SH3PXD2A: variants seen among roughly 807,000 people sequenced by gnomAD.
SH3PXD2A encodes SH3 and PX domains 2A.
A neutral mutation model predicts 115.2 loss-of-function variants in SH3PXD2A; 32 were observed. That is an observed-to-expected ratio of 0.28 (90% CI 0.21 to 0.37). The LOEUF is 0.37. SH3PXD2A is among the 10% of genes least tolerant of loss of function. The probability of loss-of-function intolerance (pLI) is 1.00; values close to 1 mark genes in which losing one functional copy is unlikely to be tolerated. For missense variants in SH3PXD2A, 1,328 were observed against 1,498.7 expected, an observed-to-expected ratio of 0.89 and a Z score of 1.88; for synonymous variants, 610 against 629.1, an observed-to-expected ratio of 0.97 and a Z score of 0.45.
At chr10:103,717,917 C>T (rs1327522199) in intron 5 of SH3PXD2A, among the ~76,000 whole-genome samples, 1 of 151,740 alleles carries the variant, frequency 6.6e-6, no homozygotes, top group Non-Finnish European at 1.5e-5. Flanking sequence ...GTAAAGTGGC[C>T]TCAGGACACT....
At position 103,758,548 on chromosome 10, in the gene SH3PXD2A, C is replaced by T. The variant is rs74157335; in HGVS notation, c.229+8546G>A. Among the ~76,000 whole-genome samples the T allele has an allele frequency of 5.6e-3, 854 of 152,366 alleles. 12 individuals are homozygous for T. The highest frequency in any genetic ancestry group is 0.02 in the African/African-American group (815 of 41,582). Reference sequence around the variant, plus strand: ...GCCTACTTTGTTCTCAGTCATATCACCAGTGACCACAGCTGGCACACAGTA... The same window carrying T: ...GCCTACTTTGTTCTCAGTCATATCATCAGTGACCACAGCTGGCACACAGTA... On this transcript the variant is annotated intron_variant, in intron 3 of 14. Coordinates refer to ENST00000369774, the MANE Select transcript of SH3PXD2A (RefSeq NM_001394015.1).
chr10:103,720,901 C>T (rs1037796622), intron 5 of SH3PXD2A, among the ~76,000 whole-genome samples: 2 of 152,190 alleles, frequency 1.3e-5, no homozygotes, highest in Non-Finnish European at 2.9e-5. Context: ...GGGCCGGGCC[C>T]GGGGAGGGGG....
chr10:103,628,916 G>C (rs988552916), intron 8 of SH3PXD2A, among the ~76,000 whole-genome samples: 1 of 152,142 alleles, frequency 6.6e-6, no homozygotes, highest in African/African-American at 2.4e-5. Flanking sequence ...GTCCGTGCCC[G>C]GGCCACTTAC....
intron 2 of SH3PXD2A, among the ~76,000 whole-genome samples, chr10:103,796,402 G>A (rs200752404): frequency 7.1e-6 from 1 of 141,474 alleles, no homozygotes; most frequent in Non-Finnish European, 1.5e-5. Context: ...AAAAAAAAGA[G>A]AGAGAGAGAG....
chr10:103,666,290 T>G lies in SH3PXD2A; in HGVS notation c.472+2318A>C, dbSNP rs954600597. Among the ~76,000 whole-genome samples the G allele has an allele frequency of 2.6e-5, 4 of 152,196 alleles. No individual in the cohort carries two copies. The highest frequency in any genetic ancestry group is 6.5e-5 in the Admixed American group (1 of 15,274). On this transcript the variant is annotated intron_variant, in intron 7 of 14. Coordinates refer to ENST00000369774, the MANE Select transcript of SH3PXD2A (RefSeq NM_001394015.1). The surrounding 1 kb of genome is among the most constrained non-coding windows in gnomAD (Gnocchi z 4.5). ...ACCCAACACCACTGCTCCATGCAGCTTCTTACTTTCCAAGTCTGTGCTCTA... is the reference window on the plus strand; with the variant it reads ...ACCCAACACCACTGCTCCATGCAGCGTCTTACTTTCCAAGTCTGTGCTCTA...
chr10:103,849,911 T>C (rs1193081401), intron 1 of SH3PXD2A, among the ~76,000 whole-genome samples: 2 of 152,188 alleles, frequency 1.3e-5, no homozygotes, highest in Non-Finnish European at 2.9e-5. Context: ...GGGACTACCA[T>C]GTGTATAACT....
At chr10:103,695,115 G>A (rs2037808905) in intron 5 of SH3PXD2A, among the ~76,000 whole-genome samples, 1 of 152,202 alleles carries the variant, frequency 6.6e-6, no homozygotes, top group Non-Finnish European at 1.5e-5. Context: ...TGAGGGCACT[G>A]AGGAGCTACC....
chr10:103,718,760 GACACACACACACACACACACAC>G (rs55844048), intron 5 of SH3PXD2A, among the ~76,000 whole-genome samples: 2 of 128,338 alleles, frequency 1.6e-5, no homozygotes, highest in African/African-American at 5.9e-5. Context: ...CCCCAATCAG[GACACACACACACACACACACAC>G]ACACACACAC....
At chr10:103,778,817 A>C (rs1170379388) in intron 2 of SH3PXD2A, among the ~76,000 whole-genome samples, 10 of 151,956 alleles carry the variant, frequency 6.6e-5, no homozygotes, top group Non-Finnish European at 1.3e-4. Flanking sequence ...TGGGTTTTTC[A>C]CCTATAATTT....
At chr10:103,790,406 G>A (rs2039024435) in intron 2 of SH3PXD2A, among the ~76,000 whole-genome samples, 1 of 152,002 alleles carries the variant, frequency 6.6e-6, no homozygotes, top group South Asian at 2.1e-4. Context: ...CACCCGCCTC[G>A]GCCTCCCAAA....
chr10:103,649,024 G>A (rs1166551588), intron 8 of SH3PXD2A, among the ~76,000 whole-genome samples: 1 of 152,174 alleles, frequency 6.6e-6, no homozygotes, highest in Non-Finnish European at 1.5e-5. Context: ...GACGTTTGTA[G>A]CCAGTGACCC....
chr10:103,599,146 G>GTT lies in SH3PXD2A; in HGVS notation c.*2668_*2669dup, dbSNP rs1002089635. On this transcript the variant is annotated 3_prime_UTR_variant, in exon 15 of 15. Coordinates refer to ENST00000369774, the MANE Select transcript of SH3PXD2A (RefSeq NM_001394015.1). ...CTAGCTGTGGGATTTTGGAAAAGTT[G>GTT]TTTCCTGTCCTTGGGCCGCAGTAAC... 19 of 152,366 alleles carry GTT rather than the reference G, an allele frequency of 1.2e-4. No individual in the cohort carries two copies. The highest frequency in any genetic ancestry group is 4.6e-4 in the African/African-American group (19 of 41,354). 9.4% of individuals were successfully genotyped at this position (152,366 alleles called of 1,614,324 possible). A position where few individuals can be genotyped will look rare whatever the true frequency, so the allele number is the denominator to read the frequency against.
Position 103,648,255 on chromosome 10 carries a change from G to T in SH3PXD2A, c.604+12728C>A, listed in dbSNP as rs148246385. Among the ~76,000 whole-genome samples, 122 of 152,312 alleles carry T rather than the reference G, an allele frequency of 8.0e-4. 1 individual carries two copies. Among genetic ancestry groups the T allele is most frequent in the African/African-American group, 2.8e-3 (118 of 41,580 alleles). ...AATCCCTACCCCGATACCAGTGGGG[G>T]TCAGGGGAGCCCTCCAATGTTTGGC... On this transcript the variant is annotated intron_variant, in intron 8 of 14. Transcript: ENST00000369774.
chr10:103,766,449 C>A (rs1421455827), intron 3 of SH3PXD2A, among the ~76,000 whole-genome samples: 4 of 152,168 alleles, frequency 2.6e-5, no homozygotes, highest in African/African-American at 9.7e-5. Flanking sequence ...CTGTCTGAAC[C>A]CCAATTTCTT....
chr10:103,632,423 C>T (rs1009278612), intron 8 of SH3PXD2A, among the ~76,000 whole-genome samples: 3 of 152,196 alleles, frequency 2.0e-5, no homozygotes, highest in East Asian at 3.9e-4. Context: ...CCACAATTGA[C>T]GTCTGAGCTG....
At chr10:103,714,996 C>T (rs1252149855) in intron 5 of SH3PXD2A, among the ~76,000 whole-genome samples, 1 of 152,200 alleles carries the variant, frequency 6.6e-6, no homozygotes, top group Non-Finnish European at 1.5e-5. Flanking sequence ...CAGGCAGCAC[C>T]AGCCCTGGCC....
At chr10:103,672,199 C>A (rs549317678) in intron 6 of SH3PXD2A, among the ~76,000 whole-genome samples, 1 of 152,228 alleles carries the variant, frequency 6.6e-6, no homozygotes, top group African/African-American at 2.4e-5. Flanking sequence ...GCATGAGAAT[C>A]GCTTTAACCC....
intron 2 of SH3PXD2A, among the ~76,000 whole-genome samples, chr10:103,776,252 G>T (rs1343065539): frequency 6.6e-6 from 1 of 152,118 alleles, no homozygotes; most frequent in African/African-American, 2.4e-5. Flanking sequence ...AATTAGCTGG[G>T]TGTGGTGCTG....
intron 6 of SH3PXD2A, among the ~76,000 whole-genome samples, chr10:103,686,930 TAG>T (rs1223972503): frequency 6.6e-6 from 1 of 152,038 alleles, no homozygotes; most frequent in Non-Finnish European, 1.5e-5. Flanking sequence ...GTATTTTTAG[TAG>T]AGACGGGGTT....
Sources: gnomAD v4.1 joint callset for allele counts (sites outside exome capture counted in the v4.1 genomes callset) on GRCh38, gnomAD v4.1.1 for gene constraint, Gnocchi (gnomAD v3.1) non-coding constraint, MANE v1.5 for transcripts, NCBI Gene and HGNC (gene_info 2026-07-23, HGNC 2026-07-21) for gene names.